Variants in CRACD observed in about 807,000 individuals in gnomAD.
CRACD encodes capping protein inhibiting regulator of actin dynamics.
Under a neutral mutation model 106.8 loss-of-function variants are expected in CRACD, and 56 were observed. That is an observed-to-expected ratio of 0.52 (90% CI 0.42 to 0.66). The LOEUF (loss-of-function observed/expected upper bound fraction) is 0.66, where lower values mean the gene tolerates loss of function less well. Ranked by LOEUF, CRACD falls within the 30% of genes least tolerant of loss-of-function variation. The pLI, the probability that CRACD is intolerant of heterozygous loss-of-function variation, is 0.00. For missense variants in CRACD, 1,730 were observed against 1,623.2 expected (o/e 1.07, Z -1.13); for synonymous variants, 754 against 670.8 (o/e 1.12, Z -1.92).
At chr4:56,195,781 T>A (rs1336364297) in intron 2 of CRACD, among the ~76,000 whole-genome samples, 2 of 152,236 alleles carry the variant, frequency 1.3e-5, no homozygotes, top group Admixed American at 1.3e-4. Context: ...AACATTATCA[T>A]TATCTTGTTT....
chr4:56,082,276 G>A (rs914320367), intron 1 of CRACD, among the ~76,000 whole-genome samples: 1 of 152,314 alleles, frequency 6.6e-6, no homozygotes, highest in Admixed American at 6.5e-5. Flanking sequence ...AAAGCAGGAA[G>A]GAGCTTGACA....
At chr4:56,316,735 A>ATACG in intron 8 of CRACD, 46 bp downstream of exon 8, 1 of 1,560,404 alleles carries the variant, frequency 6.4e-7, no homozygotes, top group East Asian at 2.3e-5. Context: ...GAGGTGTCAG[A>ATACG]GCCAGGGCAT....
At chr4:56,144,090 A>T (rs1002175056) in intron 1 of CRACD, among the ~76,000 whole-genome samples, 2 of 152,168 alleles carry the variant, frequency 1.3e-5, no homozygotes, top group Non-Finnish European at 2.9e-5. Context: ...AGGAGTGGAA[A>T]GGAAAGGGAG....
intron 4 of CRACD, among the ~76,000 whole-genome samples, chr4:56,305,096 A>C (rs1182763745): frequency 6.6e-6 from 1 of 151,052 alleles, no homozygotes; most frequent in Admixed American, 6.6e-5. Flanking sequence ...TGGTCGATGC[A>C]TGTGGTCCTA....
chr4:56,159,803 C>T (rs28683629), intron 1 of CRACD, among the ~76,000 whole-genome samples: 61,864 of 151,904 alleles, frequency 0.41, 13,195 homozygotes, highest in African/African-American at 0.52. Context: ...TTTTTTGAGA[C>T]GGAGTTTCAC....
At chr4:56,268,767 A>G (rs187982628) in intron 2 of CRACD, among the ~76,000 whole-genome samples, 1 of 152,350 alleles carries the variant, frequency 6.6e-6, no homozygotes, top group Non-Finnish European at 1.5e-5. Context: ...TTTACATTTA[A>G]ATTTTAAAAA....
intron 1 of CRACD, among the ~76,000 whole-genome samples, chr4:56,090,697 G>T (rs150467967): frequency 4.7e-4 from 72 of 152,260 alleles, no homozygotes; most frequent in African/African-American, 1.7e-3. Flanking sequence ...GCCCAGTCAG[G>T]GCCAGGGATT....
intron 1 of CRACD, among the ~76,000 whole-genome samples, chr4:56,160,208 A>T (rs1425871624): frequency 7.1e-6 from 1 of 141,686 alleles, no homozygotes; most frequent in Non-Finnish European, 1.5e-5. Context: ...TTTTTGAAGA[A>T]GTCTCATTCT....
At chr4:56,145,892 A>G (rs571456787) in intron 1 of CRACD, among the ~76,000 whole-genome samples, 44 of 152,158 alleles carry the variant, frequency 2.9e-4, no homozygotes, top group Non-Finnish European at 5.1e-4. Flanking sequence ...CCAAAGTGCT[A>G]GGATTCTAGG....
At chr4:56,068,064 T>TCAGG (rs932692724) in intron 1 of CRACD, among the ~76,000 whole-genome samples, 4 of 152,138 alleles carry the variant, frequency 2.6e-5, no homozygotes, top group Non-Finnish European at 5.9e-5. Context: ...AGGTCATATT[T>TCAGG]CAGGTCATGG....
chr4:56,203,505 G>C (rs574336605), intron 2 of CRACD, among the ~76,000 whole-genome samples: 10 of 152,254 alleles, frequency 6.6e-5, no homozygotes, highest in African/African-American at 2.2e-4. Context: ...AGGCAGGTCT[G>C]GGCAGTAGCT....
chr4:56,282,287 T>C (rs1468802874), intron 3 of CRACD, among the ~76,000 whole-genome samples: 1 of 152,182 alleles, frequency 6.6e-6, no homozygotes, highest in Non-Finnish European at 1.5e-5. Context: ...ACATGATTCT[T>C]GTCCAAAAAA....
intron 2 of CRACD, among the ~76,000 whole-genome samples, chr4:56,213,542 A>G (rs1342838944): frequency 6.6e-6 from 1 of 152,176 alleles, no homozygotes; most frequent in Non-Finnish European, 1.5e-5. Flanking sequence ...TACACCCCCA[A>G]TCCCCAGGCC....
At chr4:56,099,722 C>A (rs1295767207) in intron 1 of CRACD, among the ~76,000 whole-genome samples, 1 of 152,182 alleles carries the variant, frequency 6.6e-6, no homozygotes, top group Admixed American at 6.5e-5. Flanking sequence ...GAGCACCATG[C>A]TGGAAGTGGG....
rs145649337 is a variant in CRACD, at chr4:56,318,005, T to C, written c.3187+1316T>C. On this transcript the variant is annotated intron_variant, in intron 8 of 10. Transcript: ENST00000682029. ...TTACTCACATTTCCCAGAGAAATTGTCCCCTGAGGTTTTCTTAGGAGGGAT... is the reference window on the plus strand; with the variant it reads ...TTACTCACATTTCCCAGAGAAATTGCCCCCTGAGGTTTTCTTAGGAGGGAT... Among the ~76,000 whole-genome samples, 5 of 152,282 alleles carry C rather than the reference T, an allele frequency of 3.3e-5. No individual in the cohort carries two copies. The East Asian group carries it at 7.7e-4, about 24-fold the overall frequency.
chr4:56,096,534 G>A (rs1198913941), intron 1 of CRACD, among the ~76,000 whole-genome samples: 6 of 152,166 alleles, frequency 3.9e-5, no homozygotes, highest in Middle Eastern at 3.4e-3. Context: ...ATGACATGGT[G>A]AAACCCCATC....
At chr4:56,320,900 A>G in intron 8 of CRACD, 1 of 179,398 alleles carries the variant, frequency 5.6e-6, no homozygotes, top group Non-Finnish European at 1.2e-5. Flanking sequence ...GAAGCCTGTC[A>G]GGCACTGGCC....
intron 2 of CRACD, among the ~76,000 whole-genome samples, chr4:56,225,499 C>A (rs1225351925): frequency 2.0e-5 from 3 of 152,186 alleles, no homozygotes; most frequent in Non-Finnish European, 4.4e-5. Flanking sequence ...TCTTCTGCCT[C>A]CCTGAACCCG....
At chr4:56,129,655 G>C (rs1734762148) in intron 1 of CRACD, among the ~76,000 whole-genome samples, 1 of 152,158 alleles carries the variant, frequency 6.6e-6, no homozygotes, top group African/African-American at 2.4e-5. Context: ...AGTTTAGCAC[G>C]CTTTTATGGA....
Sources: allele counts gnomAD v4.1 joint callset (sites outside exome capture counted in the v4.1 genomes callset), GRCh38; gene constraint gnomAD v4.1.1; transcripts MANE v1.5; gene names NCBI Gene and HGNC (gene_info 2026-07-23, HGNC 2026-07-21).